Variants in GNPDA2 observed in about 807,000 individuals in gnomAD.
GNPDA2 encodes the protein glcN6P deaminase 2.
GNPDA2 carries 24 observed loss-of-function variants against 27.0 expected under a neutral mutation model. That is an observed-to-expected ratio of 0.89 (90% CI 0.64 to 1.25). The LOEUF is 1.25. Ranked by LOEUF, GNPDA2 falls within the 50% of genes most tolerant of loss-of-function variation. GNPDA2 has a pLI of 0.00. For synonymous variants in GNPDA2, 94 were observed against 108.4 expected, an observed-to-expected ratio of 0.87 and a Z score of 0.83; for missense variants, 286 against 335.1, an observed-to-expected ratio of 0.85 and a Z score of 1.14.
rs1717714422 is a variant in GNPDA2, at chr4:44,722,173, G to A, written c.35C>T (p.Ala12Val). 7.4e-6 allele frequency: 12 copies of A among 1,612,872 alleles called. No individual in the cohort carries two copies. The highest frequency in any genetic ancestry group is 1.3e-5 in the African/African-American group (1 of 74,866). ...GATGTATTTGGCTGCCCATTCACTA[G>A]CCAAGTCATAGTTATCAAGAATTAC... is the stretch of plus-strand genomic sequence containing the variant. The part of the protein sequence containing the change: ...RLVILDNYDL[A>V]SEWAAKYICN... Residue 12 changes from alanine (A) to valine (V), a missense_variant, in exon 2 of 7, where the codon GCT becomes GTT. By Grantham distance (64) the Ala-to-Val change is moderately conservative. Coordinates refer to ENST00000295448, the MANE Select transcript of GNPDA2 (RefSeq NM_138335.3).
intron 6 of GNPDA2, chr4:44,705,888 A>G (rs989957273): frequency 3.9e-5 from 6 of 151,964 alleles, no homozygotes; most frequent in Admixed American, 3.9e-4. Context: ...TGATAAGTAA[A>G]TCAATAAGTA....
chr4:44,725,590 T>C (rs1003017510), intron 1 of GNPDA2, among the ~76,000 whole-genome samples: 30 of 152,164 alleles, frequency 2.0e-4, no homozygotes, highest in African/African-American at 6.3e-4. Flanking sequence ...CAACTTTTTG[T>C]TTTCTTAAAC....
At chr4:44,710,198 G>C (rs919666829) in intron 5 of GNPDA2, among the ~76,000 whole-genome samples, 2 of 151,878 alleles carry the variant, frequency 1.3e-5, no homozygotes, top group Non-Finnish European at 2.9e-5. Context: ...TATTTTGATT[G>C]ACAGTTCTAT....
intron 2 of GNPDA2, among the ~76,000 whole-genome samples, chr4:44,721,222 G>A (rs1393147856): frequency 6.6e-6 from 1 of 152,140 alleles, no homozygotes; most frequent in African/African-American, 2.4e-5. Flanking sequence ...TATGAGGGGA[G>A]GAGCTGGAGA....
chr4:44,704,652 A>G (rs1405455867), intron 6 of GNPDA2: 1 of 890,820 alleles, frequency 1.1e-6, no homozygotes, highest in Non-Finnish European at 1.3e-6. Flanking sequence ...CGAATTTTAT[A>G]TAAATAAATA....
At position 44,717,116 on chromosome 4, in the gene GNPDA2, C is replaced by G; in HGVS notation, c.406G>C (p.Gly136Arg). The G allele has an allele frequency of 6.3e-7, 1 of 1,599,596 alleles. No individual in the cohort carries two copies. The highest frequency in any genetic ancestry group is 8.5e-7 in the Non-Finnish European group (1 of 1,172,868). The change falls in exon 4 of 7, where the codon GGA becomes CGA. Residue 136 changes from glycine (G) to arginine (R), a missense_variant. Transcript: ENST00000295448. ...KEAGGIDLFV[G>R]GIGPDGHIAF... ...ATGACAAAAGGTTTTTACATACCTCCAACAAAAAGATCTATTCCTCCAGCT... is the reference window on the plus strand; with the variant it reads ...ATGACAAAAGGTTTTTACATACCTCGAACAAAAAGATCTATTCCTCCAGCT...
chr4:44,702,852 A>G lies in GNPDA2; in HGVS notation c.*229T>C. The G allele has an allele frequency of 7.3e-7, 1 of 1,369,538 alleles. No individual in the cohort carries two copies. Among genetic ancestry groups the G allele is most frequent in the Non-Finnish European group, 9.4e-7 (1 of 1,068,186 alleles). The allele number at this position is 1,369,538 out of a possible 1,614,324, so 84.8% of individuals were successfully genotyped here. On this transcript the variant is annotated 3_prime_UTR_variant, in exon 7 of 7. Transcript: ENST00000295448. Reference sequence around the variant, plus strand: ...GTTTTATAGGTGGCTATGTGACTTCAGTACTTTATAATAAATAGCCAGTCA... The same window carrying G: ...GTTTTATAGGTGGCTATGTGACTTCGGTACTTTATAATAAATAGCCAGTCA...
chr4:44,717,259 T>C lies in GNPDA2; in HGVS notation c.263A>G (p.Tyr88Cys), dbSNP rs754228918. The C allele has an allele frequency of 2.6e-6, 4 of 1,543,962 alleles. No individual in the cohort carries two copies. Among genetic ancestry groups the C allele is most frequent in the African/African-American group, 1.4e-5 (1 of 72,878 alleles). The change falls in exon 4 of 7, where the codon TAT becomes TGT. Residue 88 changes from tyrosine (Y) to cysteine (C), a missense_variant. By Grantham distance (194) the Tyr-to-Cys change is radical. Transcript: ENST00000295448. ...PRNHPESYHS[Y>C]MWNNFFKHID... The stretch of plus-strand genomic sequence containing the variant: ...ATGCTTAAAAAAATTATTCCACATA[T>C]AAGAATGGTAGCTTTCAGGATGATT...
intron 5 of GNPDA2, among the ~76,000 whole-genome samples, chr4:44,708,477 A>G (rs1285194950): frequency 6.6e-6 from 1 of 151,948 alleles, no homozygotes. Flanking sequence ...TTAGGGATCT[A>G]CTTAAACATA....
chr4:44,708,022 C>T (rs2109696646), intron 5 of GNPDA2, 96 bp from the exon 6 acceptor site: 2 of 795,874 alleles, frequency 2.5e-6, no homozygotes, highest in East Asian at 5.3e-5. Flanking sequence ...ATATTTTTTT[C>T]TGAGAGAAAG....
chr4:44,713,263 A>G (rs1577588167), intron 4 of GNPDA2, among the ~76,000 whole-genome samples: 1 of 152,160 alleles, frequency 6.6e-6, no homozygotes. Flanking sequence ...GGCTGAGCCA[A>G]TCAAAATATC....
At chr4:44,719,462 C>T (rs933993886) in intron 2 of GNPDA2, among the ~76,000 whole-genome samples, 2 of 151,966 alleles carry the variant, frequency 1.3e-5, no homozygotes, top group African/African-American at 4.8e-5. Flanking sequence ...ATAAATACCA[C>T]ACAGCAGAAG....
rs527665777 is a variant in GNPDA2 at position 44,711,208 on chromosome 4, G to C, written c.410-71C>G. The C allele has an allele frequency of 3.4e-6, 3 of 889,778 alleles. No individual in the cohort carries two copies. The Admixed American group carries it at 1.1e-4, about 33-fold the overall frequency. 55.1% of individuals were successfully genotyped at this position (889,778 alleles called of 1,614,324 possible). On this transcript the variant is annotated intron_variant, in intron 4 of 6. Transcript: ENST00000295448. The stretch of plus-strand genomic sequence containing the variant: ...TTCACAAAGTTCAATGTGCGTTAAA[G>C]AACAAAAAAAAAATCACCTTGTTTT...
At position 44,702,798 on chromosome 4, in the gene GNPDA2, C is replaced by T. The variant is rs1260252375; in HGVS notation, c.*283G>A. On this transcript the variant is annotated 3_prime_UTR_variant, in exon 7 of 7. Coordinates refer to ENST00000295448, the MANE Select transcript of GNPDA2 (RefSeq NM_138335.3). ...TGTGGACACTCTACCTTTAAAATGA[C>T]TTTTTAAACAGGCAGACATTTCTAT... The T allele has an allele frequency of 2.4e-6, 3 of 1,233,242 alleles. No individual in the cohort carries two copies. Among genetic ancestry groups the T allele is most frequent in the Non-Finnish European group, 2.0e-6 (2 of 987,602 alleles). 76.4% of individuals were successfully genotyped at this position (1,233,242 alleles called of 1,614,324 possible).
In GNPDA2 at chr4:44,723,582, A is replaced by C. The variant is rs190739765; in HGVS notation, c.-35-1340T>G. On this transcript the variant is annotated intron_variant, in intron 1 of 6. Transcript: ENST00000295448. ...ACATGATTTCATTTTCAATGGCTGA[A>C]TTTCGCGGTGTATATATATACCACA... Among the ~76,000 whole-genome samples the C allele has an allele frequency of 1.9e-3, 295 of 152,236 alleles. 1 individual carries two copies. Among genetic ancestry groups the C allele is most frequent in the African/African-American group, 6.6e-3 (273 of 41,520 alleles).
At chr4:44,708,858 C>A (rs1300943969) in intron 5 of GNPDA2, among the ~76,000 whole-genome samples, 5 of 152,008 alleles carry the variant, frequency 3.3e-5, no homozygotes, top group Non-Finnish European at 5.9e-5. Context: ...CTGCACTCTC[C>A]TTGAATTACC....
intron 2 of GNPDA2, among the ~76,000 whole-genome samples, chr4:44,720,793 A>G (rs550835630): frequency 1.1e-4 from 17 of 152,294 alleles, no homozygotes; most frequent in Admixed American, 7.9e-4. Context: ...ACTAGCAGTT[A>G]TACTACCCAA....
intron 2 of GNPDA2, among the ~76,000 whole-genome samples, chr4:44,720,089 GATA>G (rs918835556): frequency 2.8e-4 from 42 of 152,180 alleles, no homozygotes; most frequent in African/African-American, 8.9e-4. Context: ...TTGATTAAGG[GATA>G]CACTTTCAAC....
rs146231917 is a variant in GNPDA2 at position 44,708,633 on chromosome 4, T to C, written c.595-707A>G. 4.6e-4 allele frequency among the ~76,000 whole-genome samples: 70 copies of C among 152,216 alleles called. 1 individual carries two copies. In the East Asian group the frequency reaches 0.013, roughly 29 times the overall value. Reference sequence around the variant, plus strand: ...CAATGACATGTTGCAAATGTGAATGTGTATGTGTCGGAATCTTTTCTTTAT... The same window carrying C: ...CAATGACATGTTGCAAATGTGAATGCGTATGTGTCGGAATCTTTTCTTTAT... On this transcript the variant is annotated intron_variant, in intron 5 of 6. Coordinates refer to ENST00000295448, the MANE Select transcript of GNPDA2 (RefSeq NM_138335.3).
Sources: gnomAD v4.1 joint callset for allele counts (sites outside exome capture counted in the v4.1 genomes callset) on GRCh38, gnomAD v4.1.1 for gene constraint, MANE v1.5 for transcripts, NCBI Gene and HGNC (gene_info 2026-07-23, HGNC 2026-07-21) for gene names.